ASAP2: variants seen among roughly 807,000 people sequenced by gnomAD.
The protein encoded by ASAP2 is arf-GAP with SH3 domain, ANK repeat and PH domain-containing protein 2.
Under a neutral mutation model 131.4 loss-of-function variants are expected in ASAP2, and 45 were observed. The observed-to-expected ratio is 0.34, with a 90% CI of 0.27 to 0.44. The LOEUF is 0.44. ASAP2 is among the 20% of genes least tolerant of loss of function. The pLI is 1.00. For synonymous variants in ASAP2, 510 were observed against 503.0 expected, an observed-to-expected ratio of 1.01 and a Z score of -0.19; for missense variants, 1,011 against 1,297.0, an observed-to-expected ratio of 0.78 and a Z score of 3.39.
chr2:9,372,091 A>G (rs1333599560), intron 16 of ASAP2, among the ~76,000 whole-genome samples: 1 of 152,194 alleles, frequency 6.6e-6, no homozygotes, highest in Non-Finnish European at 1.5e-5. Context: ...TTAAAAAACA[A>G]GTAAAGGAAG....
chr2:9,315,335 G>A (rs1465333415), intron 3 of ASAP2, among the ~76,000 whole-genome samples: 1 of 152,208 alleles, frequency 6.6e-6, no homozygotes, highest in Non-Finnish European at 1.5e-5. Flanking sequence ...TCCTGAGAAG[G>A]AGCAGTGAGG....
chr2:9,334,425 G>A (rs953742429), intron 7 of ASAP2, among the ~76,000 whole-genome samples: 1 of 151,860 alleles, frequency 6.6e-6, no homozygotes, highest in South Asian at 2.1e-4. Context: ...TTCCACTTGC[G>A]CCCCATGGCC....
At chr2:9,284,155 A>G (rs1424586521) in intron 2 of ASAP2, among the ~76,000 whole-genome samples, 3 of 152,222 alleles carry the variant, frequency 2.0e-5, no homozygotes, top group Non-Finnish European at 4.4e-5. Context: ...GCCAAGTAGC[A>G]TAACGTACTC....
rs377496975 is a variant in ASAP2 at position 9,380,860 on chromosome 2, G to T, written c.2016+52G>T. 63 of 1,560,180 alleles carry T rather than the reference G, an allele frequency of 4.0e-5. No individual in the cohort carries two copies. In the African/African-American group the frequency reaches 7.7e-4, roughly 19 times the overall value. ...TGGGGCACCTGTCACGGGACAGGGAGCCAAGCCTGTCCTCCTTGGGCAGGG... is the reference window on the plus strand; with the variant it reads ...TGGGGCACCTGTCACGGGACAGGGATCCAAGCCTGTCCTCCTTGGGCAGGG... On this transcript the variant is annotated intron_variant, in intron 20 of 27. Coordinates refer to ENST00000281419, the MANE Select transcript of ASAP2 (RefSeq NM_003887.3).
At chr2:9,209,696 A>G (rs978248126) in intron 1 of ASAP2, among the ~76,000 whole-genome samples, 8 of 151,990 alleles carry the variant, frequency 5.3e-5, no homozygotes, top group Non-Finnish European at 8.8e-5. Context: ...CAGCCTCCCA[A>G]GTAGCTGGGA....
intron 2 of ASAP2, among the ~76,000 whole-genome samples, chr2:9,288,096 C>A (rs1400702427): frequency 6.6e-6 from 1 of 152,100 alleles, no homozygotes; most frequent in African/African-American, 2.4e-5. Context: ...AATAAGAAGG[C>A]TGTTTTGGAT....
At chr2:9,227,136 C>G (rs1468837742) in intron 1 of ASAP2, among the ~76,000 whole-genome samples, 1 of 152,202 alleles carries the variant, frequency 6.6e-6, no homozygotes, top group African/African-American at 2.4e-5. Context: ...CCCTGCTGTG[C>G]TTGAGAAGTC....
At chr2:9,280,902 C>A (rs1213919797) in intron 2 of ASAP2, among the ~76,000 whole-genome samples, 1 of 152,202 alleles carries the variant, frequency 6.6e-6, no homozygotes, top group Non-Finnish European at 1.5e-5. Flanking sequence ...GAGTAACCTG[C>A]AAATCAGAGA....
At chr2:9,277,264 C>T (rs1666822260) in intron 1 of ASAP2, among the ~76,000 whole-genome samples, 1 of 152,226 alleles carries the variant, frequency 6.6e-6, no homozygotes, top group African/African-American at 2.4e-5. Context: ...AGCACAACCT[C>T]AGTCTGCCCA....
At chr2:9,334,674 C>G (rs1406456411) in intron 7 of ASAP2, 64 bp from the exon 8 acceptor site, 2 of 1,483,014 alleles carry the variant, frequency 1.3e-6, no homozygotes, top group African/African-American at 2.8e-5. Flanking sequence ...AGTTTTTAAT[C>G]TGTCTGACAA....
At chr2:9,302,121 C>CT (rs1668523752) in intron 3 of ASAP2, among the ~76,000 whole-genome samples, 1 of 90,916 alleles carries the variant, frequency 1.1e-5, no homozygotes, top group African/African-American at 4.3e-5. Context: ...CCGCGCCCGG[C>CT]CTTTTTTTTT....
chr2:9,294,354 G>T (rs895895421), intron 2 of ASAP2, among the ~76,000 whole-genome samples: 3 of 152,072 alleles, frequency 2.0e-5, no homozygotes, highest in African/African-American at 7.2e-5. Context: ...CAGTTGAGGA[G>T]CCCAGAAGGA....
chr2:9,244,832 A>G (rs541173450), intron 1 of ASAP2, among the ~76,000 whole-genome samples: 1 of 152,320 alleles, frequency 6.6e-6, no homozygotes, highest in East Asian at 1.9e-4. Context: ...AACCCTTTTC[A>G]TTAGATCCTT....
intron 1 of ASAP2, among the ~76,000 whole-genome samples, chr2:9,262,303 C>T (rs775571827): frequency 1.2e-4 from 19 of 152,088 alleles, no homozygotes; most frequent in Admixed American, 1.1e-3. Flanking sequence ...ATGACTGAGA[C>T]GGTCCTGGGG....
intron 6 of ASAP2, among the ~76,000 whole-genome samples, chr2:9,326,646 C>A (rs576380857): frequency 2.0e-5 from 3 of 151,844 alleles, no homozygotes; most frequent in Admixed American, 2.0e-4. Flanking sequence ...TGTATACATT[C>A]AAAAAAAATC....
chr2:9,397,750 A>ATATATATAT (rs1343127000), intron 24 of ASAP2, among the ~76,000 whole-genome samples: 1 of 44,810 alleles, frequency 2.2e-5, no homozygotes, highest in African/African-American at 1.7e-4. Context: ...ATATATATAT[A>ATATATATAT]TTTTTTTTTT....
chr2:9,276,457 T>C (rs777733242), intron 1 of ASAP2, among the ~76,000 whole-genome samples: 12 of 152,084 alleles, frequency 7.9e-5, no homozygotes, highest in Non-Finnish European at 1.2e-4. Context: ...TTGCTAAAGA[T>C]GTTATTCTGA....
At position 9,389,820 on chromosome 2, in the gene ASAP2, G is replaced by A. The variant is rs1051635226; in HGVS notation, c.2384-1242G>A. Among the ~76,000 whole-genome samples the A allele has an allele frequency of 6.6e-6, 1 of 152,180 alleles. No individual in the cohort carries two copies. The highest frequency in any genetic ancestry group is 1.5e-5 in the Non-Finnish European group (1 of 68,038). On this transcript the variant is annotated intron_variant, in intron 22 of 27. Coordinates refer to ENST00000281419, the MANE Select transcript of ASAP2 (RefSeq NM_003887.3). This position sits in a 1 kb window ranked among gnomAD's most constrained non-coding sequence, Gnocchi z 4.7. The stretch of plus-strand genomic sequence containing the variant: ...GATGAGGACGTCCCTGAGCACAGAA[G>A]GCAGCTACAAGATGAAGCCACACAG...
intron 24 of ASAP2, among the ~76,000 whole-genome samples, chr2:9,394,253 C>G (rs142162544): frequency 1.7e-4 from 25 of 149,230 alleles, no homozygotes; most frequent in African/African-American, 6.2e-4. Flanking sequence ...CAAGCTCTGC[C>G]TCCAGGGTTC....
Sources: gnomAD v4.1 joint callset for allele counts (sites outside exome capture counted in the v4.1 genomes callset) on GRCh38, gnomAD v4.1.1 for gene constraint, Gnocchi (gnomAD v3.1) non-coding constraint, MANE v1.5 for transcripts, NCBI Gene and HGNC (gene_info 2026-07-23, HGNC 2026-07-21) for gene names.